Variants in SLC1A1 observed in about 807,000 individuals in gnomAD.
SLC1A1 encodes the protein solute carrier family 1 member 1.
Under a neutral mutation model 53.3 loss-of-function variants are expected in SLC1A1, and 43 were observed. The observed-to-expected ratio is 0.81, with a 90% CI of 0.63 to 1.04. The LOEUF is 1.04. Among genes scored for constraint, SLC1A1 ranks in the 50% least tolerant of loss-of-function variants. SLC1A1 has a pLI of 0.00. For synonymous variants in SLC1A1, 307 were observed against 243.2 expected (o/e 1.26, Z -2.44); for missense variants, 748 against 664.9 (o/e 1.12, Z -1.37).
rs1206378564 is a variant in SLC1A1, at chr9:4,537,476, G to A, written c.92-7091G>A. Among the ~76,000 whole-genome samples the A allele has an allele frequency of 4.0e-5, 4 of 99,738 alleles. 2 individuals are homozygous for A. The highest frequency in any genetic ancestry group is 1.5e-4 in the African/African-American group (4 of 26,098). 65.4% of individuals were successfully genotyped at this position (99,738 alleles called of 152,430 possible). ...CGGGAGGCTGAGGCAGGAGAATGGC[G>A]TGAACCCGGGAAGCGGAGCTTGCAG... On this transcript the variant is annotated intron_variant, in intron 1 of 11. Coordinates refer to ENST00000262352, the MANE Select transcript of SLC1A1 (RefSeq NM_004170.6).
At chr9:4,544,920 G>A (rs937970645) in intron 2 of SLC1A1, among the ~76,000 whole-genome samples, 4 of 152,182 alleles carry the variant, frequency 2.6e-5, no homozygotes, top group East Asian at 1.9e-4. Context: ...AGAAAGGCTG[G>A]GCGAAGCAGG....
intron 1 of SLC1A1, among the ~76,000 whole-genome samples, chr9:4,506,507 G>C (rs1457071429): frequency 1.3e-5 from 2 of 151,786 alleles, no homozygotes; most frequent in African/African-American, 2.4e-5. Context: ...CTCTGTATCT[G>C]GTTTAACATC....
chr9:4,498,622 A>G (rs1820524029), intron 1 of SLC1A1, among the ~76,000 whole-genome samples: 1 of 151,948 alleles, frequency 6.6e-6, no homozygotes, highest in African/African-American at 2.4e-5. Flanking sequence ...TGTATTTCTG[A>G]AAAGTGATGA....
At chr9:4,508,040 A>C (rs1034712260) in intron 1 of SLC1A1, among the ~76,000 whole-genome samples, 1 of 152,182 alleles carries the variant, frequency 6.6e-6, no homozygotes, top group Non-Finnish European at 1.5e-5. Flanking sequence ...AAACCGTACA[A>C]GTCTGAGCCA....
intron 7 of SLC1A1, among the ~76,000 whole-genome samples, 160 bp from the exon 8 acceptor site, chr9:4,573,747 C>A (rs1264854152): frequency 1.3e-5 from 2 of 152,126 alleles, no homozygotes; most frequent in Admixed American, 1.3e-4. Context: ...ATTGTTCACC[C>A]AGGACTTGAA....
At chr9:4,521,559 A>G (rs1415082942) in intron 1 of SLC1A1, among the ~76,000 whole-genome samples, 2 of 152,182 alleles carry the variant, frequency 1.3e-5, no homozygotes, top group Non-Finnish European at 2.9e-5. Flanking sequence ...TTAAAGAAAA[A>G]TTCTGGGGCG....
chr9:4,531,498 G>C (rs534508579), intron 1 of SLC1A1, among the ~76,000 whole-genome samples: 2 of 152,160 alleles, frequency 1.3e-5, no homozygotes, highest in East Asian at 1.9e-4. Context: ...AGGCAGCAGC[G>C]AGACTGGGGG....
chr9:4,494,369 CAAT>C (rs1240595134), intron 1 of SLC1A1, among the ~76,000 whole-genome samples: 2 of 151,984 alleles, frequency 1.3e-5, no homozygotes, highest in Non-Finnish European at 2.9e-5. Flanking sequence ...ATTCAGCACT[CAAT>C]AGTTGTTATT....
chr9:4,511,566 TACACACACACAC>T lies in SLC1A1; in HGVS notation c.91+20819_91+20830del, dbSNP rs113277990. Among the ~76,000 whole-genome samples the T allele has an allele frequency of 4.5e-3, 654 of 146,336 alleles. 5 individuals are homozygous for T. Among genetic ancestry groups the T allele is most frequent in the African/African-American group, 0.015 (597 of 39,334 alleles). ...TTTTGCCTTAAACTCTTAAGAATTC[TACACACACACAC>T]ACACACACACACACACACACACTAC... is the stretch of plus-strand genomic sequence containing the variant. On this transcript the variant is annotated intron_variant, in intron 1 of 11. Transcript: ENST00000262352.
At chr9:4,575,959 G>T (rs772907988) in intron 8 of SLC1A1, 42 bp from the exon 9 acceptor site, 14 of 1,607,538 alleles carry the variant, frequency 8.7e-6, no homozygotes, top group African/African-American at 1.3e-5. Context: ...GTGGGGAGGT[G>T]GTATTATCTT....
At chr9:4,580,382 A>T (rs1392793057) in intron 10 of SLC1A1, among the ~76,000 whole-genome samples, 1 of 152,128 alleles carries the variant, frequency 6.6e-6, no homozygotes, top group Admixed American at 6.6e-5. Flanking sequence ...GGAGTTTGAG[A>T]CCAGCCTGAG....
chr9:4,493,933 CTT>C (rs1327335648), intron 1 of SLC1A1, among the ~76,000 whole-genome samples: 2 of 152,184 alleles, frequency 1.3e-5, no homozygotes, highest in Non-Finnish European at 2.9e-5. Context: ...GAAGTTCACT[CTT>C]TTCATGGACA....
intron 1 of SLC1A1, among the ~76,000 whole-genome samples, chr9:4,531,665 C>G (rs1816474813): frequency 6.6e-6 from 1 of 152,182 alleles, no homozygotes. Flanking sequence ...GCAGAATCCT[C>G]TGCAGACTTA....
chr9:4,544,178 T>G (rs1817258444), intron 1 of SLC1A1, among the ~76,000 whole-genome samples: 1 of 152,022 alleles, frequency 6.6e-6, no homozygotes, highest in African/African-American at 2.4e-5. Context: ...CCTGTCTCAA[T>G]AAAAATAATA....
chr9:4,571,537 T>C (rs140325846), intron 6 of SLC1A1, among the ~76,000 whole-genome samples: 1,695 of 151,996 alleles, frequency 0.011, 22 homozygotes, highest in Non-Finnish European at 0.017. Context: ...ATTAATTGGG[T>C]GTGGGGGCGG....
At chr9:4,537,710 C>A (rs1213730096) in intron 1 of SLC1A1, among the ~76,000 whole-genome samples, 5 of 151,258 alleles carry the variant, frequency 3.3e-5, no homozygotes, top group Non-Finnish European at 7.4e-5. Flanking sequence ...ATAGGAAATG[C>A]CAGATTAGGC....
intron 1 of SLC1A1, among the ~76,000 whole-genome samples, chr9:4,525,747 G>A (rs1233605355): frequency 6.6e-6 from 1 of 152,018 alleles, no homozygotes; most frequent in Non-Finnish European, 1.5e-5. Flanking sequence ...TGTAAGGACT[G>A]GAAACTGCAA....
At chr9:4,511,992 G>A (rs189309518) in intron 1 of SLC1A1, among the ~76,000 whole-genome samples, 1 of 152,286 alleles carries the variant, frequency 6.6e-6, no homozygotes, top group Non-Finnish European at 1.5e-5. Context: ...TAAGGATTAG[G>A]TATGTAACAA....
chr9:4,573,026 G>C (rs140811646), intron 7 of SLC1A1, among the ~76,000 whole-genome samples: 262 of 152,300 alleles, frequency 1.7e-3, no homozygotes, highest in African/African-American at 5.7e-3. Context: ...CTGTACATGA[G>C]AACACAAAGT....
Sources: allele counts gnomAD v4.1 joint callset (sites outside exome capture counted in the v4.1 genomes callset), GRCh38; gene constraint gnomAD v4.1.1; transcripts MANE v1.5; gene names NCBI Gene and HGNC (gene_info 2026-07-23, HGNC 2026-07-21).